RGS6: variants seen among roughly 807,000 people sequenced by gnomAD.
RGS6 encodes the protein regulator of G-protein signaling 6.
A neutral mutation model predicts 78.5 loss-of-function variants in RGS6; 30 were observed. That is an observed-to-expected ratio of 0.38 (90% CI 0.29 to 0.52). The LOEUF is 0.52. RGS6 is among the 20% of genes least tolerant of loss of function. The pLI is 0.85. For synonymous variants in RGS6, 206 were observed against 206.0 expected (o/e 1.00, Z 0.00); for missense variants, 495 against 609.7 (o/e 0.81, Z 1.98).
At chr14:72,507,374 C>T (rs1432687781) in intron 13 of RGS6, among the ~76,000 whole-genome samples, 1 of 152,206 alleles carries the variant, frequency 6.6e-6, no homozygotes, top group Non-Finnish European at 1.5e-5. Context: ...TGATTTTGGA[C>T]TTCTAGGCTC....
chr14:72,378,947 A>T (rs7150465), intron 3 of RGS6, among the ~76,000 whole-genome samples: 60,873 of 151,898 alleles, frequency 0.4, 12,396 homozygotes, highest in South Asian at 0.57. Context: ...ACAAAATACA[A>T]ACCAAATCCA....
At chr14:72,207,818 C>T (rs780993985) in intron 2 of RGS6, among the ~76,000 whole-genome samples, 21 of 152,274 alleles carry the variant, frequency 1.4e-4, no homozygotes, top group African/African-American at 4.8e-4. Flanking sequence ...TGAGAGACTT[C>T]GGGCAAGGTT....
In RGS6 at chr14:72,455,424, G is replaced by A. The variant is rs12434029; in HGVS notation, c.235+846G>A. Among the ~76,000 whole-genome samples, 701 of 152,266 alleles carry A rather than the reference G, an allele frequency of 4.6e-3. 25 individuals carry two copies. The highest frequency in any genetic ancestry group is 0.041 in the Admixed American group (634 of 15,298). On this transcript the variant is annotated intron_variant, in intron 4 of 17. Coordinates refer to ENST00000553525, the MANE Select transcript of RGS6 (RefSeq NM_001204424.2). ...TTTTTGAAGTGCCCATTCTGCATCC[G>A]TGACCTTCAGCTGTGAGTCCCTGCT...
intron 2 of RGS6, among the ~76,000 whole-genome samples, chr14:72,105,761 C>G (rs975074794): frequency 6.6e-6 from 1 of 152,114 alleles, no homozygotes; most frequent in African/African-American, 2.4e-5. Flanking sequence ...ATCTGTGTGA[C>G]CAGAATTTAT....
chr14:72,401,799 T>C (rs1217131244), intron 3 of RGS6, among the ~76,000 whole-genome samples: 2 of 152,208 alleles, frequency 1.3e-5, no homozygotes, highest in Non-Finnish European at 2.9e-5. Context: ...TCAGAAAAGA[T>C]TGGAGTCTTG....
chr14:72,392,829 C>T (rs903551791), intron 3 of RGS6, among the ~76,000 whole-genome samples: 3 of 152,142 alleles, frequency 2.0e-5, no homozygotes, highest in African/African-American at 7.2e-5. Context: ...GTCAAGTGTG[C>T]ACTTTCTGGG....
chr14:72,330,637 A>G (rs979031392), intron 2 of RGS6, among the ~76,000 whole-genome samples: 2 of 152,188 alleles, frequency 1.3e-5, no homozygotes, highest in Non-Finnish European at 2.9e-5. Flanking sequence ...GGGATTTAAA[A>G]TCTGTGTTAG....
At chr14:72,591,031 G>A in the RGS6 span, among the ~76,000 whole-genome samples, 1 of 151,906 alleles carries the variant, frequency 6.6e-6, no homozygotes, top group African/African-American at 2.4e-5. Context: ...TGGTGTATGG[G>A]TACCAGTATT....
At chr14:72,520,896 A>G (rs989136456) in intron 15 of RGS6, among the ~76,000 whole-genome samples, 1 of 152,240 alleles carries the variant, frequency 6.6e-6, no homozygotes, top group African/African-American at 2.4e-5. Flanking sequence ...TCCAAATAGC[A>G]GGGAAGCTAA....
At chr14:71,944,856 C>T (rs1443827561) in intron 1 of RGS6, among the ~76,000 whole-genome samples, 1 of 152,132 alleles carries the variant, frequency 6.6e-6, no homozygotes, top group Non-Finnish European at 1.5e-5. Flanking sequence ...ATGGTATAGC[C>T]TACTGTACAC....
chr14:71,951,345 G>A (rs959685868), intron 1 of RGS6, among the ~76,000 whole-genome samples: 2 of 152,098 alleles, frequency 1.3e-5, no homozygotes, highest in African/African-American at 2.4e-5. Flanking sequence ...TCATAAGTGG[G>A]AACCAAACAA....
chr14:72,629,320 T>A, the RGS6 span, among the ~76,000 whole-genome samples: 1 of 152,254 alleles, frequency 6.6e-6, no homozygotes, highest in Non-Finnish European at 1.5e-5. Context: ...CCTTTGTATA[T>A]GTTTGAAATT....
intron 2 of RGS6, among the ~76,000 whole-genome samples, chr14:72,350,630 C>A (rs886850351): frequency 6.6e-6 from 1 of 152,122 alleles, no homozygotes; most frequent in Non-Finnish European, 1.5e-5. Context: ...CAGCAACATG[C>A]AAGGTGATGT....
intron 12 of RGS6, among the ~76,000 whole-genome samples, chr14:72,492,939 A>G (rs2052027): frequency 0.62 from 93,564 of 152,090 alleles, 29,293 homozygotes; most frequent in East Asian, 0.96. Context: ...CAAAGCCTAA[A>G]ATATTTACTA....
At chr14:72,573,866 C>T in the RGS6 span, among the ~76,000 whole-genome samples, 9 of 152,184 alleles carry the variant, frequency 5.9e-5, no homozygotes, top group South Asian at 2.1e-4. Flanking sequence ...CACACACGCA[C>T]GACTGTGAGC....
At chr14:72,176,879 G>T (rs1244273230) in intron 2 of RGS6, among the ~76,000 whole-genome samples, 1 of 152,118 alleles carries the variant, frequency 6.6e-6, no homozygotes, top group Non-Finnish European at 1.5e-5. Flanking sequence ...CACCACCCCA[G>T]AAGGAGCTCT....
At chr14:72,071,960 A>AT (rs542495616) in intron 2 of RGS6, among the ~76,000 whole-genome samples, 105 of 152,314 alleles carry the variant, frequency 6.9e-4, no homozygotes, top group Non-Finnish European at 1.2e-3. Context: ...TCAGTGCCAT[A>AT]TTTAAGTTCC....
intron 3 of RGS6, among the ~76,000 whole-genome samples, chr14:72,393,571 C>A (rs1016110956): frequency 2.0e-5 from 3 of 152,184 alleles, no homozygotes; most frequent in African/African-American, 7.2e-5. Context: ...AGTCTCCCAA[C>A]TCTTAAACTT....
chr14:72,580,976 T>C, the RGS6 span, among the ~76,000 whole-genome samples: 1 of 152,228 alleles, frequency 6.6e-6, no homozygotes, highest in African/African-American at 2.4e-5. Context: ...GGAACCCTTC[T>C]CTTTAGTTCA....
Sources: gnomAD v4.1 joint callset for allele counts (sites outside exome capture counted in the v4.1 genomes callset) on GRCh38, gnomAD v4.1.1 for gene constraint, MANE v1.5 for transcripts, NCBI Gene and HGNC (gene_info 2026-07-23, HGNC 2026-07-21) for gene names.